The following UMAD1 variants were observed in gnomAD, a reference collection of about 807,000 sequenced individuals.
UMAD1 encodes UBAP1-MVB12-associated (UMA)-domain containing protein 1.
UMAD1 carries 8 observed loss-of-function variants against 6.1 expected under a neutral mutation model. That is an observed-to-expected ratio of 1.30 (90% CI 0.76 to 2.35). UMAD1 has a LOEUF of 2.35. Among genes scored for constraint, UMAD1 ranks in the 30% most tolerant of loss-of-function variants. The pLI, the probability that UMAD1 is intolerant of heterozygous loss-of-function variation, is 0.00. For missense variants in UMAD1, 130 were observed against 78.4 expected (o/e 1.66, Z -2.49); for synonymous variants, 56 against 31.4 (o/e 1.78, Z -2.61).
chr7:7,835,764 T>C (rs73055874), intron 3 of UMAD1, among the ~76,000 whole-genome samples: 12,634 of 151,910 alleles, frequency 0.083, 707 homozygotes, highest in Middle Eastern at 0.18. Context: ...CTTACATCAG[T>C]TATCTTATTT....
chr7:7,725,113 G>A (rs559352182), intron 2 of UMAD1, among the ~76,000 whole-genome samples: 60 of 152,330 alleles, frequency 3.9e-4, no homozygotes, highest in African/African-American at 1.4e-3. Flanking sequence ...GTGGTGTGGG[G>A]CCTGTTGAGA....
At chr7:7,759,757 T>C (rs192638898) in intron 2 of UMAD1, among the ~76,000 whole-genome samples, 1 of 151,826 alleles carries the variant, frequency 6.6e-6, no homozygotes, top group Admixed American at 6.6e-5. Flanking sequence ...GAAGGAGGAA[T>C]GGAGATGCTT....
chr7:7,805,065 A>T (rs903371725), intron 3 of UMAD1, among the ~76,000 whole-genome samples: 1 of 152,192 alleles, frequency 6.6e-6, no homozygotes, highest in Non-Finnish European at 1.5e-5. Flanking sequence ...CTACCTAGAT[A>T]TAGTCAAAAA....
intron 2 of UMAD1, among the ~76,000 whole-genome samples, chr7:7,744,277 AT>A (rs1227233407): frequency 1.3e-5 from 2 of 152,180 alleles, no homozygotes; most frequent in African/African-American, 4.8e-5. Flanking sequence ...GTTGAATAAT[AT>A]CCCATTGTAC....
At chr7:7,650,134 C>T (rs1414951250) in intron 1 of UMAD1, among the ~76,000 whole-genome samples, 4 of 152,182 alleles carry the variant, frequency 2.6e-5, no homozygotes, top group Non-Finnish European at 1.5e-5. Flanking sequence ...ATTCCATTTA[C>T]CTTTTCCCAA....
intron 1 of UMAD1, among the ~76,000 whole-genome samples, chr7:7,666,132 G>C (rs1466397641): frequency 6.6e-6 from 1 of 152,132 alleles, no homozygotes; most frequent in Non-Finnish European, 1.5e-5. Context: ...AAGTGTACAA[G>C]AGTTCCAGTT....
At chr7:7,642,560 C>T (rs760068522) in intron 1 of UMAD1, among the ~76,000 whole-genome samples, 42 of 151,982 alleles carry the variant, frequency 2.8e-4, no homozygotes, top group Non-Finnish European at 4.9e-4. Context: ...TAAGCAAAGG[C>T]TTTCTTTTAA....
Position 7,878,550 on chromosome 7 carries a change from A to C in UMAD1, c.*1012A>C, listed in dbSNP as rs979138285. ...TTACTTTAATGAAAACAGAACTGCC[A>C]TTGGTCAATAAACTGTAAAGGGAAG... On this transcript the variant is annotated 3_prime_UTR_variant, in exon 4 of 4. Transcript: ENST00000682710. The C allele has an allele frequency of 1.3e-5, 2 of 152,222 alleles. No homozygotes were observed. The highest frequency in any genetic ancestry group is 2.9e-5 in the Non-Finnish European group (2 of 68,036). The allele number at this position is 152,222 out of a possible 1,614,324, so 9.4% of individuals were successfully genotyped here.
intron 2 of UMAD1, among the ~76,000 whole-genome samples, chr7:7,695,280 C>T (rs1197485094): frequency 6.6e-6 from 1 of 152,126 alleles, no homozygotes; most frequent in Non-Finnish European, 1.5e-5. Flanking sequence ...TCAACATTTT[C>T]CCCACCACAG....
At chr7:7,863,370 T>C (rs576543903) in intron 3 of UMAD1, among the ~76,000 whole-genome samples, 1 of 152,360 alleles carries the variant, frequency 6.6e-6, no homozygotes, top group African/African-American at 2.4e-5. Context: ...ACAAATGTTA[T>C]TTGTTATTTT....
At chr7:7,831,921 A>G (rs185279613) in intron 3 of UMAD1, among the ~76,000 whole-genome samples, 1 of 152,256 alleles carries the variant, frequency 6.6e-6, no homozygotes, top group East Asian at 1.9e-4. Context: ...CCAGATGTGG[A>G]TACAATTAAC....
In UMAD1 at chr7:7,830,788, C is replaced by G. The variant is rs1332124751; in HGVS notation, c.156+29045C>G. On this transcript the variant is annotated intron_variant, in intron 3 of 3. Coordinates refer to ENST00000682710, the MANE Select transcript of UMAD1 (RefSeq NM_001302348.2). This position sits in a 1 kb window ranked among gnomAD's most constrained non-coding sequence, Gnocchi z 5.3. ...GTTCTATGAATCTTTACTTGCCGAT[C>G]TTGTATCTTTCAGTACTGGATAAGT... Among the ~76,000 whole-genome samples the G allele has an allele frequency of 6.6e-6, 1 of 152,148 alleles. No individual in the cohort carries two copies. The highest frequency in any genetic ancestry group is 1.5e-5 in the Non-Finnish European group (1 of 68,008).
intron 3 of UMAD1, among the ~76,000 whole-genome samples, chr7:7,842,700 C>A (rs1273477582): frequency 6.6e-6 from 1 of 151,778 alleles, no homozygotes; most frequent in African/African-American, 2.4e-5. Context: ...AAGAGTACAT[C>A]CCTTACTCAA....
At chr7:7,650,407 G>A (rs1420391960) in intron 1 of UMAD1, among the ~76,000 whole-genome samples, 1 of 152,086 alleles carries the variant, frequency 6.6e-6, no homozygotes, top group Non-Finnish European at 1.5e-5. Flanking sequence ...TAAGTGGATG[G>A]TTAATTTCTT....
intron 2 of UMAD1, among the ~76,000 whole-genome samples, chr7:7,690,702 G>C (rs1225987279): frequency 6.6e-6 from 1 of 152,020 alleles, no homozygotes; most frequent in African/African-American, 2.4e-5. Flanking sequence ...TTGCTAAGGA[G>C]AGAAAGGAAG....
chr7:7,752,735 AAG>A (rs1268442211), intron 2 of UMAD1, among the ~76,000 whole-genome samples: 1 of 152,138 alleles, frequency 6.6e-6, no homozygotes, highest in Non-Finnish European at 1.5e-5. Context: ...TTTTAGAAAA[AAG>A]CATTATAGAG....
chr7:7,673,058 G>C (rs1172636457), intron 1 of UMAD1, among the ~76,000 whole-genome samples: 1 of 152,108 alleles, frequency 6.6e-6, no homozygotes, highest in Non-Finnish European at 1.5e-5. Context: ...GGGATTTCCT[G>C]GGTTATTTTC....
chr7:7,836,069 A>T (rs1301417828), intron 3 of UMAD1, among the ~76,000 whole-genome samples: 1 of 152,192 alleles, frequency 6.6e-6, no homozygotes, highest in Middle Eastern at 3.4e-3. Flanking sequence ...ATATAGTCTT[A>T]AAGATTCCAT....
At position 7,664,082 on chromosome 7, in the gene UMAD1, T is replaced by C. The variant is rs532667264; in HGVS notation, c.-63-9227T>C. 2.0e-4 allele frequency among the ~76,000 whole-genome samples: 31 copies of C among 152,360 alleles called. 1 individual carries two copies. In the South Asian group the frequency reaches 5.4e-3, roughly 26 times the overall value. On this transcript the variant is annotated intron_variant, in intron 1 of 3. Transcript: ENST00000682710. ...ATCTGCACAGTATTTGTAAACATCGTGAATTTCTTGCTATTATTTAAAACC... is the reference window on the plus strand; with the variant it reads ...ATCTGCACAGTATTTGTAAACATCGCGAATTTCTTGCTATTATTTAAAACC...
Sources: allele counts gnomAD v4.1 joint callset (sites outside exome capture counted in the v4.1 genomes callset), GRCh38; gene constraint gnomAD v4.1.1; non-coding constraint Gnocchi (gnomAD v3.1); transcripts MANE v1.5; gene names NCBI Gene and HGNC (gene_info 2026-07-23, HGNC 2026-07-21).